GANC: variants seen among roughly 807,000 people sequenced by gnomAD.
GANC encodes glucosidase alpha, neutral C.
In GANC, 117 loss-of-function variants were observed where a neutral mutation model predicts 124.2. That is an observed-to-expected ratio of 0.94 (90% confidence interval 0.81 to 1.10). The LOEUF (loss-of-function observed/expected upper bound fraction) is 1.10, where lower values mean the gene tolerates loss of function less well. GANC is among the 50% of genes least tolerant of loss of function. The pLI is 0.00. For synonymous variants in GANC, 377 were observed against 376.8 expected (o/e 1.00, Z -0.01); for missense variants, 1,140 against 1,095.0 (o/e 1.04, Z -0.58).
At chr15:42,314,228 C>T (rs1207341797) in intron 10 of GANC, 2 of 733,444 alleles carry the variant, frequency 2.7e-6, no homozygotes, top group Non-Finnish European at 5.0e-6. Flanking sequence ...TTTAAAGCAC[C>T]TGAAGCACGT....
intron 8 of GANC, among the ~76,000 whole-genome samples, chr15:42,308,641 G>A (rs1007076876): frequency 1.3e-5 from 2 of 152,010 alleles, no homozygotes; most frequent in South Asian, 4.1e-4. Context: ...CTGTCACCAC[G>A]CCTGGCTAAT....
rs1254735882 is a variant in GANC, at chr15:42,287,677, G to C, written c.202-14G>C. 1.2e-6 allele frequency: 2 copies of C among 1,607,796 alleles called. No individual in the cohort carries two copies. The highest frequency in any genetic ancestry group is 1.7e-6 in the Non-Finnish European group (2 of 1,177,756). Reference sequence around the variant, plus strand: ...GGTAACCTGTTGAAGGTAATCTCTTGTATCTGTTTCCAGGTTCCTCTCCTG... The same window carrying C: ...GGTAACCTGTTGAAGGTAATCTCTTCTATCTGTTTCCAGGTTCCTCTCCTG... On this transcript the variant is annotated splice_polypyrimidine_tract_variant and intron_variant, in intron 3 of 23. Transcript: ENST00000318010.
chr15:42,300,948 G>T (rs1426671514), intron 6 of GANC, among the ~76,000 whole-genome samples: 1 of 151,822 alleles, frequency 6.6e-6, no homozygotes, highest in East Asian at 1.9e-4. Context: ...AACCTGGGAG[G>T]TGGAGGTTGC....
chr15:42,280,780 CAGT>C (rs2051723960), intron 3 of GANC: 5 of 605,568 alleles, frequency 8.3e-6, no homozygotes, highest in South Asian at 2.0e-5. Flanking sequence ...CCCGGAATAT[CAGT>C]GGTGAGCCGA....
At chr15:42,345,854 AT>A in intron 20 of GANC, 22 bp downstream of exon 20, 1 of 1,517,856 alleles carries the variant, frequency 6.6e-7, no homozygotes, top group Non-Finnish European at 9.1e-7. Context: ...TCAGACTACT[AT>A]TTTTACCTAT....
intron 15 of GANC, among the ~76,000 whole-genome samples, chr15:42,334,454 A>C (rs2052269053): frequency 6.6e-6 from 1 of 152,094 alleles, no homozygotes; most frequent in Admixed American, 6.6e-5. Context: ...GAGCCACTGC[A>C]CCTGGCCAGT....
intron 19 of GANC, chr15:42,344,795 G>A (rs1210580141): frequency 3.9e-5 from 6 of 152,206 alleles, no homozygotes; most frequent in African/African-American, 1.2e-4. Flanking sequence ...TTTTTGCTGA[G>A]AATTTCTCAA....
At chr15:42,293,246 C>A (rs2051859455) in intron 5 of GANC, among the ~76,000 whole-genome samples, 1 of 152,192 alleles carries the variant, frequency 6.6e-6, no homozygotes, top group Non-Finnish European at 1.5e-5. Flanking sequence ...TTTCACTTCA[C>A]TCCCTTGCAA....
chr15:42,283,661 G>A (rs997447196), intron 3 of GANC: 1 of 702,558 alleles, frequency 1.4e-6, no homozygotes. Context: ...CTTCTCCGAG[G>A]ATGCAGGAAT....
At chr15:42,293,385 A>G (rs1343356597) in intron 5 of GANC, among the ~76,000 whole-genome samples, 1 of 152,140 alleles carries the variant, frequency 6.6e-6, no homozygotes, top group Admixed American at 6.5e-5. Context: ...TTCTTATTCC[A>G]TTCTTACGAA....
Position 42,310,683 on chromosome 15 carries a change from C to A in GANC, c.904-10C>A, listed in dbSNP as rs2052042248. 3.8e-6 allele frequency: 6 copies of A among 1,597,998 alleles called. No homozygotes were observed. Among genetic ancestry groups the A allele is most frequent in the South Asian group, 1.1e-5 (1 of 90,358 alleles). Reference sequence around the variant, plus strand: ...AAATTTCTCAAATTTTTATTCCATTCTTTTTCCAGTACACACTGACCCAGA... The same window carrying A: ...AAATTTCTCAAATTTTTATTCCATTATTTTTCCAGTACACACTGACCCAGA... On this transcript the variant is annotated splice_polypyrimidine_tract_variant and intron_variant, in intron 9 of 23. Coordinates refer to ENST00000318010, the MANE Select transcript of GANC (RefSeq NM_198141.3).
intron 3 of GANC, among the ~76,000 whole-genome samples, chr15:42,280,086 T>G (rs1364683151): frequency 1.3e-5 from 2 of 152,218 alleles, no homozygotes; most frequent in Non-Finnish European, 2.9e-5. Context: ...TCAACAGTTC[T>G]GTGTTCTTTA....
intron 19 of GANC, among the ~76,000 whole-genome samples, chr15:42,345,448 G>A (rs979675945): frequency 6.6e-6 from 1 of 152,042 alleles, no homozygotes; most frequent in Non-Finnish European, 1.5e-5. Flanking sequence ...CAGGAACTAT[G>A]TCTTTTCTGT....
chr15:42,290,149 A>G (rs971989036), intron 4 of GANC, among the ~76,000 whole-genome samples: 2 of 152,212 alleles, frequency 1.3e-5, no homozygotes, highest in African/African-American at 2.4e-5. Flanking sequence ...TTCTGTGGCA[A>G]TGTTACTTAA....
intron 10 of GANC, among the ~76,000 whole-genome samples, chr15:42,320,483 C>G (rs1480179591): frequency 5.9e-5 from 9 of 152,262 alleles, no homozygotes; most frequent in Admixed American, 3.9e-4. Context: ...CAATCTCACT[C>G]TGTTGCCCAG....
At chr15:42,284,536 C>T (rs1400663532) in intron 3 of GANC, 2 of 154,692 alleles carry the variant, frequency 1.3e-5, no homozygotes, top group Admixed American at 1.3e-4. Flanking sequence ...ATGTGAAAAA[C>T]TGAGTAGAGG....
intron 6 of GANC, among the ~76,000 whole-genome samples, chr15:42,305,562 G>A (rs2051986919): frequency 6.6e-6 from 1 of 152,160 alleles, no homozygotes. Context: ...TCTAGAACCA[G>A]AAATACCATC....
chr15:42,298,478 C>G (rs1227601005), intron 6 of GANC, among the ~76,000 whole-genome samples: 1 of 152,178 alleles, frequency 6.6e-6, no homozygotes, highest in African/African-American at 2.4e-5. Context: ...TTACCTTCTT[C>G]CAAGCCATGT....
chr15:42,307,569 A>G (rs1465553224), intron 7 of GANC, among the ~76,000 whole-genome samples: 3 of 152,210 alleles, frequency 2.0e-5, no homozygotes, highest in African/African-American at 7.2e-5. Flanking sequence ...GGACCATTTG[A>G]TGTCAAATAC....
Sources: allele counts gnomAD v4.1 joint callset (sites outside exome capture counted in the v4.1 genomes callset), GRCh38; gene constraint gnomAD v4.1.1; transcripts MANE v1.5; gene names NCBI Gene and HGNC (gene_info 2026-07-23, HGNC 2026-07-21).